TASOR: variants seen among roughly 807,000 people sequenced by gnomAD.
The protein encoded by TASOR is protein TASOR.
In TASOR, 53 loss-of-function variants were observed where a neutral mutation model predicts 178.6. The ratio of observed to expected loss-of-function variants is 0.30; its 90% CI spans 0.24 to 0.37. The LOEUF (loss-of-function observed/expected upper bound fraction) is 0.37, where lower values mean the gene tolerates loss of function less well. Among genes scored for constraint, TASOR ranks in the 10% least tolerant of loss-of-function variants. TASOR has a pLI of 1.00. For synonymous variants in TASOR, 713 were observed against 696.2 expected, an observed-to-expected ratio of 1.02 and a Z score of -0.38; for missense variants, 1,815 against 1,971.4, an observed-to-expected ratio of 0.92 and a Z score of 1.50.
chr3:56,668,656 T>TC, intron 5 of TASOR, 98 bp from the exon 6 acceptor site: 1 of 919,332 alleles, frequency 1.1e-6, no homozygotes, highest in Non-Finnish European at 1.6e-6. Context: ...AGATCAACTA[T>TC]CCCAACCATT....
chr3:56,677,027 A>G (rs1193437939), intron 1 of TASOR, among the ~76,000 whole-genome samples: 3 of 152,218 alleles, frequency 2.0e-5, no homozygotes, highest in Non-Finnish European at 4.4e-5. Context: ...TAAGATAATA[A>G]AATTATCCTG....
At chr3:56,637,460 G>A (rs2077040105) in intron 17 of TASOR, among the ~76,000 whole-genome samples, 1 of 152,064 alleles carries the variant, frequency 6.6e-6, no homozygotes, top group South Asian at 2.1e-4. Flanking sequence ...GGCAGAGGTT[G>A]CAGTGAACCA....
Position 56,621,517 on chromosome 3 carries a change from T to C in TASOR, c.*1520A>G, listed in dbSNP as rs768354695. The C allele has an allele frequency of 2.6e-6, 4 of 1,546,084 alleles. No homozygotes were observed. In the African/African-American group the frequency reaches 4.1e-5, roughly 16 times the overall value. On this transcript the variant is annotated 3_prime_UTR_variant, in exon 24 of 24. Transcript: ENST00000683822. ...TGCACATTTTACTAACAAACATATA[T>C]CAATGTGATTTCAGGGCCTTCTCCA...
chr3:56,669,308 C>T (rs1485104883), intron 5 of TASOR, among the ~76,000 whole-genome samples: 1 of 152,060 alleles, frequency 6.6e-6, no homozygotes, highest in Non-Finnish European at 1.5e-5. Context: ...TCGAGACCAT[C>T]CTGGCTAACA....
At position 56,648,873 on chromosome 3, in the gene TASOR, G is replaced by C; in HGVS notation, c.1462C>G (p.Arg488Gly). ...AATAGAAACAAAGCATGTAGGACTC[G>C]AGACTTGGCAGTCTGATATTCTAAA... Reference protein sequence around the residue: ...PPYEYQTAKSRVLHALFLFQE... With the variant: ...PPYEYQTAKSGVLHALFLFQE... The change falls in exon 13 of 24, where the codon CGA becomes GGA. Residue 488 changes from arginine (R) to glycine (G), a missense_variant. Arg to Gly is a moderately radical substitution (Grantham distance 125). Around this residue, in one of 5 missense-constraint regions of TASOR, gnomAD observed 504 missense variants for 645.3 expected, o/e 0.78. Transcript: ENST00000683822. 1.2e-6 allele frequency: 2 copies of C among 1,611,964 alleles called. No homozygotes were observed. The highest frequency in any genetic ancestry group is 1.7e-5 in the Admixed American group (1 of 59,886).
rs139573788 is a variant in TASOR, at chr3:56,658,643, G to A, written c.1368+2088C>T. 2.9e-3 allele frequency among the ~76,000 whole-genome samples: 438 copies of A among 152,268 alleles called. 6 individuals are homozygous for A. The highest frequency in any genetic ancestry group is 0.01 in the African/African-American group (419 of 41,558). On this transcript the variant is annotated intron_variant, in intron 11 of 23. Coordinates refer to ENST00000683822, the MANE Select transcript of TASOR (RefSeq NM_001365635.2). ...AGAAAGTAAGAAGGAAGGGCCAGGC[G>A]CGGTGGCTCACCCAACACTTTGGGA...
At chr3:56,649,452 G>A (rs949110990) in intron 11 of TASOR, among the ~76,000 whole-genome samples, 1 of 152,166 alleles carries the variant, frequency 6.6e-6, no homozygotes, top group Non-Finnish European at 1.5e-5. Context: ...GAAACACTGC[G>A]TTGCAAGAGT....
rs1263300955 is a variant in TASOR at position 56,683,059 on chromosome 3, T to TG, written c.-54dup. 9 of 1,435,496 alleles carry TG rather than the reference T, an allele frequency of 6.3e-6. No homozygotes were observed. The highest frequency in any genetic ancestry group is 1.4e-5 in the South Asian group (1 of 70,152). The allele number at this position is 1,435,496 out of a possible 1,614,324, so 88.9% of individuals were successfully genotyped here. On this transcript the variant is annotated 5_prime_UTR_variant, in exon 1 of 24. Transcript: ENST00000683822. ...CTTCTGCCCACAAGGTCGACGGGTG[T>TG]GGGGGGAAGGGGCGGCGGGCCAGTC... is the stretch of plus-strand genomic sequence containing the variant.
At position 56,683,160 on chromosome 3, in the gene TASOR, T is replaced by C. The variant is rs2031956647; in HGVS notation, c.-154A>G. 1.3e-6 allele frequency: 1 copy of C among 786,212 alleles called. No homozygotes were observed. Among genetic ancestry groups the C allele is most frequent in the African/African-American group, 1.8e-5 (1 of 55,242 alleles). 48.7% of individuals were successfully genotyped at this position (786,212 alleles called of 1,614,324 possible). On this transcript the variant is annotated 5_prime_UTR_variant, in exon 1 of 24. Coordinates refer to ENST00000683822, the MANE Select transcript of TASOR (RefSeq NM_001365635.2). Reference sequence around the variant, plus strand: ...AGGCTGCGCTCCCGACCTGGCAGCCTCTTGGGGGGCCCTGTAGCGGGCACC... The same window carrying C: ...AGGCTGCGCTCCCGACCTGGCAGCCCCTTGGGGGGCCCTGTAGCGGGCACC...
intron 7 of TASOR, 82 bp downstream of exon 7, chr3:56,666,177 CA>C: frequency 8.5e-7 from 1 of 1,178,278 alleles, no homozygotes; most frequent in Non-Finnish European, 1.1e-6. Flanking sequence ...GGGAAGGAAA[CA>C]AAATGGTCCT....
At chr3:56,645,930 C>G (rs182906524) in intron 14 of TASOR, among the ~76,000 whole-genome samples, 1 of 152,156 alleles carries the variant, frequency 6.6e-6, no homozygotes, top group African/African-American at 2.4e-5. Context: ...AGGCGGATCA[C>G]GAGGTCAGGA....
Position 56,683,149 on chromosome 3 carries a change from AC to A in TASOR, c.-144del. ...CCCGTGGCCTCAGGCTGCGCTCCCG[AC>A]CTGGCAGCCTCTTGGGGGGCCCTGT... On this transcript the variant is annotated 5_prime_UTR_variant, in exon 1 of 24. Transcript: ENST00000683822. 22 of 908,578 alleles carry A rather than the reference AC, an allele frequency of 2.4e-5. No homozygotes were observed. The highest frequency in any genetic ancestry group is 3.4e-5 in the Non-Finnish European group (21 of 626,096). The allele number at this position is 908,578 out of a possible 1,614,324, so 56.3% of individuals were successfully genotyped here. A position where few individuals can be genotyped will look rare whatever the true frequency, so the allele number is the denominator to read the frequency against.
chr3:56,683,118 C>G lies in TASOR; in HGVS notation c.-112G>C. 1 of 1,262,850 alleles carries G rather than the reference C, an allele frequency of 7.9e-7. No individual in the cohort carries two copies. The highest frequency in any genetic ancestry group is 1.1e-6 in the Non-Finnish European group (1 of 942,620). The allele number at this position is 1,262,850 out of a possible 1,614,324, so 78.2% of individuals were successfully genotyped here. ...GAGCTGCTCTCAGCCCACCCACCCC[C>G]TTCCCCCCGTGGCCTCAGGCTGCGC... On this transcript the variant is annotated 5_prime_UTR_variant, in exon 1 of 24. Transcript: ENST00000683822.
chr3:56,643,489 A>G (rs1578222089), intron 14 of TASOR, among the ~76,000 whole-genome samples: 1 of 152,114 alleles, frequency 6.6e-6, no homozygotes, highest in South Asian at 2.1e-4. Context: ...ATGGCTGGGC[A>G]TGGTGGCTCA....
At chr3:56,652,365 G>A (rs574190136) in intron 11 of TASOR, among the ~76,000 whole-genome samples, 1 of 152,022 alleles carries the variant, frequency 6.6e-6, no homozygotes, top group African/African-American at 2.4e-5. Context: ...AACAGCCCAG[G>A]CAATATGGCA....
Position 56,621,567 on chromosome 3 carries a change from T to G in TASOR, c.*1470A>C. 6.2e-7 allele frequency: 1 copy of G among 1,602,092 alleles called. No individual in the cohort carries two copies. Among genetic ancestry groups the G allele is most frequent in the Non-Finnish European group, 8.5e-7 (1 of 1,175,012 alleles). On this transcript the variant is annotated 3_prime_UTR_variant, in exon 24 of 24. Coordinates refer to ENST00000683822, the MANE Select transcript of TASOR (RefSeq NM_001365635.2). Reference sequence around the variant, plus strand: ...AGAAGCAAAAGGAGTTGGAAAGTAGTCTCCTGCCTTTAGCTGAAAATCAAG... The same window carrying G: ...AGAAGCAAAAGGAGTTGGAAAGTAGGCTCCTGCCTTTAGCTGAAAATCAAG...
rs1280222122 is a variant in TASOR, at chr3:56,621,786, A to G, written c.*1251T>C. 1 of 358,604 alleles carries G rather than the reference A, an allele frequency of 2.8e-6. No homozygotes were observed. Among genetic ancestry groups the G allele is most frequent in the Non-Finnish European group, 5.0e-6 (1 of 201,292 alleles). 22.2% of individuals were successfully genotyped at this position (358,604 alleles called of 1,614,324 possible). On this transcript the variant is annotated 3_prime_UTR_variant, in exon 24 of 24. Transcript: ENST00000683822. ...AATGCTGTACTTGTTCTATACAATA[A>G]AACAGATACTTCTTTTGTAAAAGCT...
chr3:56,644,558 G>A (rs1178260374), intron 14 of TASOR, among the ~76,000 whole-genome samples: 4 of 152,210 alleles, frequency 2.6e-5, no homozygotes, highest in Middle Eastern at 3.2e-3. Context: ...CAAGACATGT[G>A]AGAGAACAGT....
chr3:56,624,879 T>A lies in TASOR; in HGVS notation c.4267A>T (p.Ile1423Phe). 1 of 1,614,216 alleles carries A rather than the reference T, an allele frequency of 6.2e-7. No homozygotes were observed. The highest frequency in any genetic ancestry group is 8.5e-7 in the Non-Finnish European group (1 of 1,180,026). Residue 1423 changes from isoleucine to phenylalanine, a missense_variant, in exon 22 of 24, where the codon ATC becomes TTC. Around this residue, in one of 5 missense-constraint regions of TASOR, gnomAD observed 134 missense variants for 195.2 expected, o/e 0.69. Transcript: ENST00000683822. Reference sequence around the variant, plus strand: ...TGTATGTTCTGAGCCTGAAGTCTGATAAGGCAATCCAATTCTGGAGCATTT... The same window carrying A: ...TGTATGTTCTGAGCCTGAAGTCTGAAAAGGCAATCCAATTCTGGAGCATTT... Reference protein sequence around the residue: ...TRNAPELDCLIRLQAQNIQQR... With the variant: ...TRNAPELDCLFRLQAQNIQQR...
Sources: allele counts gnomAD v4.1 joint callset (sites outside exome capture counted in the v4.1 genomes callset), GRCh38; gene constraint gnomAD v4.1.1; regional missense constraint gnomAD v4.1.1; transcripts MANE v1.5; gene names NCBI Gene and HGNC (gene_info 2026-07-23, HGNC 2026-07-21).